Variants in APLF observed in about 807,000 individuals in gnomAD.
APLF encodes the protein aprataxin and PNKP like factor.
A neutral mutation model predicts 55.6 loss-of-function variants in APLF; 61 were observed. That is an observed-to-expected ratio of 1.10 (90% CI 0.89 to 1.36). APLF has a LOEUF of 1.36. Among genes scored for constraint, APLF ranks in the 40% most tolerant of loss-of-function variants. The pLI is 0.00. For missense variants in APLF, 611 were observed against 602.5 expected (o/e 1.01, Z -0.15); for synonymous variants, 207 against 214.8 (o/e 0.96, Z 0.32).
At chr2:68,518,801 C>CAT (rs1558539945) in intron 5 of APLF, among the ~76,000 whole-genome samples, 1 of 84,462 alleles carries the variant, frequency 1.2e-5, no homozygotes, top group Admixed American at 1.6e-4. Flanking sequence ...TATTAATAAT[C>CAT]TATCATATAA....
At chr2:68,518,762 T>TA (rs1669763047) in intron 5 of APLF, among the ~76,000 whole-genome samples, 1 of 115,604 alleles carries the variant, frequency 8.7e-6, no homozygotes, top group African/African-American at 3.5e-5. Flanking sequence ...TATAATAAAA[T>TA]ATTAATAATA....
rs202151025 is a variant in APLF, at chr2:68,526,013, T to A, written c.623-48T>A. 3.1e-4 allele frequency: 466 copies of A among 1,521,676 alleles called. 4 individuals are homozygous for A. Among genetic ancestry groups the A allele is most frequent in the South Asian group, 3.0e-3 (239 of 79,104 alleles). The allele number at this position is 1,521,676 out of a possible 1,614,324, so 94.3% of individuals were successfully genotyped here. A position where few individuals can be genotyped will look rare whatever the true frequency, so the allele number is the denominator to read the frequency against. On this transcript the variant is annotated intron_variant, in intron 5 of 9. Transcript: ENST00000303795. ...CTTTTTTTGATATGGATTATTGACA[T>A]TTGAAGATACAGAAGATAATTTTCT...
chr2:68,560,407 G>A (rs929860408), intron 8 of APLF, among the ~76,000 whole-genome samples: 1 of 150,624 alleles, frequency 6.6e-6, no homozygotes, highest in African/African-American at 2.5e-5. Flanking sequence ...TGGTTTGTAG[G>A]AGCATCATCA....
chr2:68,477,253 G>A (rs1343375568), intron 1 of APLF, among the ~76,000 whole-genome samples: 1 of 152,158 alleles, frequency 6.6e-6, no homozygotes, highest in African/African-American at 2.4e-5. Flanking sequence ...GAGCTTTACT[G>A]TTGCAGGTAT....
At position 68,577,909 on chromosome 2, in the gene APLF, G is replaced by T; in HGVS notation, c.1423G>T (p.Asp475Tyr). ...NDSFLDDEEE[D>Y]YEPTDEDSDW... Reference sequence around the variant, plus strand: ...CAGCTTTCTAGATGATGAGGAAGAAGACTATGAGCCAACAGATGAAGATTC... The same window carrying T: ...CAGCTTTCTAGATGATGAGGAAGAATACTATGAGCCAACAGATGAAGATTC... Residue 475 changes from aspartate (D) to tyrosine (Y), a missense_variant, in exon 10 of 10, where the codon GAC becomes TAC. Physicochemically the swap from Asp to Tyr is radical, Grantham distance 160. Transcript: ENST00000303795. 1 of 1,613,626 alleles carries T rather than the reference G, an allele frequency of 6.2e-7. No homozygotes were observed.
chr2:68,538,083 A>G lies in APLF; in HGVS notation c.1016A>G (p.Glu339Gly). Reference sequence around the variant, plus strand: ...GCCCAGGGCGACTCACTTCAGGATGAGTCTCAAGGGTCTCATTCTGAGTCC... The same window carrying G: ...GCCCAGGGCGACTCACTTCAGGATGGGTCTCAAGGGTCTCATTCTGAGTCC... ...SSAQGDSLQD[E>G]SQGSHSESSS... Residue 339 changes from glutamate (E) to glycine (G), a missense_variant, in exon 7 of 10, where the codon GAG (glutamate) becomes GGG (glycine). Coordinates refer to ENST00000303795, the MANE Select transcript of APLF (RefSeq NM_173545.3). The G allele has an allele frequency of 6.2e-7, 1 of 1,614,130 alleles. No homozygotes were observed. The highest frequency in any genetic ancestry group is 8.5e-7 in the Non-Finnish European group (1 of 1,179,970).
intron 1 of APLF, among the ~76,000 whole-genome samples, chr2:68,481,266 GC>G (rs1315312236): frequency 6.6e-6 from 1 of 152,134 alleles, no homozygotes; most frequent in Non-Finnish European, 1.5e-5. Context: ...TTCTTGTAGG[GC>G]TTGTTGAGTG....
At chr2:68,542,791 A>T (rs567729006) in intron 7 of APLF, among the ~76,000 whole-genome samples, 1 of 152,322 alleles carries the variant, frequency 6.6e-6, no homozygotes, top group Admixed American at 6.5e-5. Context: ...CCTATTATAT[A>T]GAAATTCCAC....
rs905322672 is a variant in APLF, at chr2:68,545,253, C to T, written c.1227C>T (p.Ile409=). The change falls in exon 8 of 10, where the codon ATC becomes ATT. Residue 409 remains isoleucine (I), a synonymous_variant. Coordinates refer to ENST00000303795, the MANE Select transcript of APLF (RefSeq NM_173545.3). The part of the protein sequence containing the change: ...PGDSDYGGVQ[I]VGQDETDDRP... ...ATAGTGATTATGGAGGTGTACAAAT[C>T]GTGGGCCAAGATGAGACTGATGACC... 2 of 1,613,754 alleles carry T rather than the reference C, an allele frequency of 1.2e-6. No homozygotes were observed. Among genetic ancestry groups the T allele is most frequent in the South Asian group, 1.1e-5 (1 of 91,050 alleles).
At chr2:68,524,559 T>A (rs1480197763) in intron 5 of APLF, among the ~76,000 whole-genome samples, 1 of 152,246 alleles carries the variant, frequency 6.6e-6, no homozygotes, top group Non-Finnish European at 1.5e-5. Context: ...AGACACTGTA[T>A]GGCCCACAGA....
intron 6 of APLF, among the ~76,000 whole-genome samples, chr2:68,530,792 T>C (rs1278151223): frequency 3.3e-5 from 5 of 152,108 alleles, no homozygotes; most frequent in African/African-American, 1.2e-4. Flanking sequence ...GAAACATGTA[T>C]GAAAAACCAT....
intron 1 of APLF, among the ~76,000 whole-genome samples, chr2:68,470,786 A>G (rs2103869027): frequency 6.6e-6 from 1 of 152,348 alleles, no homozygotes; most frequent in South Asian, 2.1e-4. Flanking sequence ...TGTAGATGTA[A>G]TTAAATTGAC....
chr2:68,536,346 G>A (rs993193807), intron 6 of APLF, among the ~76,000 whole-genome samples: 9 of 152,096 alleles, frequency 5.9e-5, no homozygotes, highest in African/African-American at 1.9e-4. Flanking sequence ...TTAATGTACT[G>A]TTTCTTAAAA....
intron 3 of APLF, among the ~76,000 whole-genome samples, chr2:68,507,915 A>AT (rs1676917731): frequency 6.6e-6 from 1 of 151,876 alleles, no homozygotes; most frequent in African/African-American, 2.4e-5. Flanking sequence ...CTAAGTATGT[A>AT]GATTCCATAT....
chr2:68,498,795 T>A (rs1261968238), intron 2 of APLF, among the ~76,000 whole-genome samples: 1 of 152,230 alleles, frequency 6.6e-6, no homozygotes, highest in African/African-American at 2.4e-5. Context: ...TCTTACTCAC[T>A]TGGGGTCGTG....
chr2:68,478,052 G>T (rs1199333928), intron 1 of APLF, among the ~76,000 whole-genome samples: 1 of 150,872 alleles, frequency 6.6e-6, no homozygotes, highest in Admixed American at 6.6e-5. Context: ...TTTTTATTGT[G>T]TTTAGTGCAA....
chr2:68,487,202 T>C (rs908362031), intron 1 of APLF, among the ~76,000 whole-genome samples: 3 of 152,180 alleles, frequency 2.0e-5, no homozygotes, highest in African/African-American at 7.2e-5. Flanking sequence ...CTGAATCTCC[T>C]CTGAATGTCT....
At chr2:68,508,010 T>C (rs1361076391) in intron 3 of APLF, among the ~76,000 whole-genome samples, 1 of 151,782 alleles carries the variant, frequency 6.6e-6, no homozygotes, top group Admixed American at 6.6e-5. Context: ...AATATGCAAG[T>C]TTCAAATTCA....
intron 5 of APLF, among the ~76,000 whole-genome samples, chr2:68,519,038 A>G (rs1037878898): frequency 2.1e-4 from 26 of 123,828 alleles, no homozygotes; most frequent in Non-Finnish European, 3.9e-4. Context: ...TATGATTAAT[A>G]TATAATAATA....
Sources: gnomAD v4.1 joint callset for allele counts (sites outside exome capture counted in the v4.1 genomes callset) on GRCh38, gnomAD v4.1.1 for gene constraint, MANE v1.5 for transcripts, NCBI Gene and HGNC (gene_info 2026-07-23, HGNC 2026-07-21) for gene names.